Variants in CHL1 observed in about 807,000 individuals in gnomAD.
CHL1 encodes the protein neural cell adhesion molecule L1-like protein.
Under a neutral mutation model 141.9 loss-of-function variants are expected in CHL1, and 96 were observed. The ratio of observed to expected loss-of-function variants is 0.68; its 90% confidence interval spans 0.57 to 0.80. The LOEUF (loss-of-function observed/expected upper bound fraction) is 0.80. Among genes scored for constraint, CHL1 ranks in the 30% least tolerant of loss-of-function variants. The pLI is 0.00. For synonymous variants in CHL1, 613 were observed against 502.2 expected (o/e 1.22, Z -2.95); for missense variants, 1,820 against 1,457.2 (o/e 1.25, Z -4.05).
At position 373,396 on chromosome 3, in the gene CHL1, G is replaced by T. The variant is rs77112401; in HGVS notation, c.1752-4422G>T. ...GGCACTCAGGGTCAGGCCTGAAGAG[G>T]CATTGATTCTGCCACAGTGGGTGTG... is the stretch of plus-strand genomic sequence containing the variant. On this transcript the variant is annotated intron_variant, in intron 15 of 27. Coordinates refer to ENST00000256509, the MANE Select transcript of CHL1 (RefSeq NM_006614.4). Among the ~76,000 whole-genome samples the T allele has an allele frequency of 3.0e-3, 462 of 152,368 alleles. 2 individuals carry two copies. Among genetic ancestry groups the T allele is most frequent in the African/African-American group, 0.01 (432 of 41,596 alleles).
intron 14 of CHL1, among the ~76,000 whole-genome samples, chr3:365,164 G>A (rs533720560): frequency 1.1e-4 from 16 of 152,220 alleles, no homozygotes; most frequent in Admixed American, 6.5e-4. Flanking sequence ...TGGTCTCTGG[G>A]AGGTCCCCAA....
At chr3:284,954 C>T (rs1450994846) in intron 2 of CHL1, among the ~76,000 whole-genome samples, 1 of 152,098 alleles carries the variant, frequency 6.6e-6, no homozygotes, top group East Asian at 1.9e-4. Context: ...ATAATGTATT[C>T]TGCATTTTTA....
At position 365,990 on chromosome 3, in the gene CHL1, C is replaced by T. The variant is rs761187395; in HGVS notation, c.1626C>T (p.Ile542=). The change falls in exon 15 of 28, where the codon ATC becomes ATT. Residue 542 remains isoleucine (I), a synonymous_variant. Coordinates refer to ENST00000256509, the MANE Select transcript of CHL1 (RefSeq NM_006614.4). ...KLRVSPKNPR[I]PKLHMLELHC... is the part of the protein sequence containing the mutation. ...GAGTTTCTCCTAAGAATCCTCGTAT[C>T]CCCAAATTGCATATGCTTGAATTAC... The T allele has an allele frequency of 6.2e-7, 1 of 1,613,502 alleles. No individual in the cohort carries two copies. Among genetic ancestry groups the T allele is most frequent in the South Asian group, 1.1e-5 (1 of 91,048 alleles).
At chr3:354,570 A>G in intron 10 of CHL1, 70 bp from the exon 11 acceptor site, 1 of 1,520,230 alleles carries the variant, frequency 6.6e-7, no homozygotes, top group Non-Finnish European at 8.9e-7. Context: ...AAGTAGAAAT[A>G]CAGGCCTTAA....
intron 2 of CHL1, among the ~76,000 whole-genome samples, chr3:252,371 T>TATAA (rs1553596138): frequency 1.7e-5 from 2 of 117,952 alleles, no homozygotes; most frequent in Non-Finnish European, 3.8e-5. Context: ...GATATATATA[T>TATAA]ATATATATAT....
intron 1 of CHL1, among the ~76,000 whole-genome samples, chr3:225,102 C>G (rs1188785063): frequency 6.6e-6 from 1 of 152,152 alleles, no homozygotes; most frequent in Non-Finnish European, 1.5e-5. Context: ...CCACTGCACT[C>G]CAGCCTGAGT....
intron 1 of CHL1, among the ~76,000 whole-genome samples, chr3:215,784 T>C (rs1700268833): frequency 6.6e-6 from 1 of 152,198 alleles, no homozygotes; most frequent in Admixed American, 6.5e-5. Context: ...GCTCTGTGCA[T>C]TGAAGCATCT....
Position 349,425 on chromosome 3 carries a change from A to G in CHL1, c.915A>G (p.Glu305=), listed in dbSNP as rs143193173. 49 of 1,613,850 alleles carry G rather than the reference A, an allele frequency of 3.0e-5. No homozygotes were observed. The African/African-American group carries it at 5.7e-4, about 19-fold the overall frequency. ...GDLPKGRETK[E]NYGKTLKIEN... ...TACCAAAGGGGAGAGAAACAAAAGA[A>G]AATTATGGCAAGACTTTGAAGATAG... The change falls in exon 10 of 28, where the codon GAA becomes GAG. Residue 305 remains glutamate, a synonymous_variant. Transcript: ENST00000256509.
chr3:400,899 C>CATT (rs1709073149), intron 26 of CHL1, among the ~76,000 whole-genome samples: 1 of 39,958 alleles, frequency 2.5e-5, no homozygotes. Flanking sequence ...CAAATGACTG[C>CATT]CTTTTTTTTT....
At chr3:405,128 GT>G (rs1709433855) in intron 27 of CHL1, among the ~76,000 whole-genome samples, 1 of 152,092 alleles carries the variant, frequency 6.6e-6, no homozygotes, top group Admixed American at 6.6e-5. Flanking sequence ...TGGTTATCAG[GT>G]TTTAACATAG....
At chr3:244,271 G>A (rs1229127452) in intron 1 of CHL1, among the ~76,000 whole-genome samples, 2 of 152,184 alleles carry the variant, frequency 1.3e-5, no homozygotes, top group African/African-American at 4.8e-5. Context: ...CAGGTCAGGA[G>A]AACCGCTATG....
In CHL1 at chr3:355,992, A is replaced by T. The variant is rs1703681069; in HGVS notation, c.1165+1221A>T. 2.0e-5 allele frequency among the ~76,000 whole-genome samples: 3 copies of T among 152,156 alleles called. No individual in the cohort carries two copies. The South Asian group carries it at 6.2e-4, about 32-fold the overall frequency. ...CGGGGTTGTTTTGTGGATTAAAGGA[A>T]ACATCATGCAGAGAATGCTTAGCAC... On this transcript the variant is annotated intron_variant, in intron 11 of 27. Coordinates refer to ENST00000256509, the MANE Select transcript of CHL1 (RefSeq NM_006614.4).
intron 15 of CHL1, among the ~76,000 whole-genome samples, chr3:376,736 A>T (rs1298370814): frequency 4.6e-5 from 7 of 152,216 alleles, no homozygotes; most frequent in Non-Finnish European, 1.0e-4. Context: ...GTATTCTAAT[A>T]TTGTATCAAA....
At chr3:359,664 G>C (rs942367117) in intron 11 of CHL1, among the ~76,000 whole-genome samples, 1 of 152,162 alleles carries the variant, frequency 6.6e-6, no homozygotes, top group African/African-American at 2.4e-5. Flanking sequence ...TCAGGAGTGG[G>C]GAAGGTTTTA....
At chr3:271,123 C>CA (rs1377276382) in intron 2 of CHL1, among the ~76,000 whole-genome samples, 5 of 151,128 alleles carry the variant, frequency 3.3e-5, no homozygotes, top group Non-Finnish European at 5.9e-5. Context: ...CTGCTCCAAT[C>CA]AAAAAAAAAT....
At chr3:199,348 T>C (rs1698714070) in intron 1 of CHL1, among the ~76,000 whole-genome samples, 2 of 152,236 alleles carry the variant, frequency 1.3e-5, no homozygotes, top group Admixed American at 1.3e-4. Context: ...AGCACAAGAC[T>C]ATGATGATGA....
rs574290970 is a variant in CHL1 at position 257,473 on chromosome 3, C to A, written c.-95+12781C>A. Among the ~76,000 whole-genome samples, 122 of 152,046 alleles carry A rather than the reference C, an allele frequency of 8.0e-4. 3 individuals are homozygous for A. In the South Asian group the frequency reaches 0.021, roughly 26 times the overall value. Reference sequence around the variant, plus strand: ...GGTTCAAGCAATTCCCCTGCCTCAGCCTCCCAAGTAGCTGGGATTACAGGT... The same window carrying A: ...GGTTCAAGCAATTCCCCTGCCTCAGACTCCCAAGTAGCTGGGATTACAGGT... On this transcript the variant is annotated intron_variant, in intron 2 of 27. Coordinates refer to ENST00000256509, the MANE Select transcript of CHL1 (RefSeq NM_006614.4).
chr3:255,878 TC>T (rs1417000351), intron 2 of CHL1, among the ~76,000 whole-genome samples: 1 of 152,208 alleles, frequency 6.6e-6, no homozygotes, highest in Non-Finnish European at 1.5e-5. Flanking sequence ...CTACCCATTG[TC>T]CTGTAAGACA....
chr3:218,086 A>G (rs1463755639), intron 1 of CHL1, among the ~76,000 whole-genome samples: 1 of 152,204 alleles, frequency 6.6e-6, no homozygotes, highest in African/African-American at 2.4e-5. Context: ...TCCACAGGAA[A>G]CAATCAAAGA....
Sources: allele counts gnomAD v4.1 joint callset (sites outside exome capture counted in the v4.1 genomes callset), GRCh38; gene constraint gnomAD v4.1.1; transcripts MANE v1.5; gene names NCBI Gene and HGNC (gene_info 2026-07-23, HGNC 2026-07-21).